Variants in SLC38A4 observed in about 807,000 individuals in gnomAD.
The protein encoded by SLC38A4 is solute carrier family 38 member 4.
A neutral mutation model predicts 63.1 loss-of-function variants in SLC38A4; 20 were observed. The observed-to-expected ratio is 0.32, with a 90% CI of 0.22 to 0.46. The LOEUF is 0.46. SLC38A4 is among the 20% of genes least tolerant of loss of function. SLC38A4 has a pLI of 1.00. For missense variants in SLC38A4, 526 were observed against 663.6 expected (o/e 0.79, Z 2.28); for synonymous variants, 230 against 225.5 (o/e 1.02, Z -0.18).
At chr12:46,809,151 G>T (rs1479484503) in intron 1 of SLC38A4, among the ~76,000 whole-genome samples, 1 of 151,984 alleles carries the variant, frequency 6.6e-6, no homozygotes, top group Non-Finnish European at 1.5e-5. Context: ...GGTAGTTTAA[G>T]CTGTGACCCA....
chr12:46,782,130 C>T (rs1938655778), intron 7 of SLC38A4, among the ~76,000 whole-genome samples: 1 of 151,942 alleles, frequency 6.6e-6, no homozygotes, highest in Non-Finnish European at 1.5e-5. Flanking sequence ...TACTTATCTG[C>T]TTACCAACTA....
At chr12:46,805,431 A>AT (rs896081356) in intron 1 of SLC38A4, among the ~76,000 whole-genome samples, 18 of 151,996 alleles carry the variant, frequency 1.2e-4, no homozygotes, top group Admixed American at 2.6e-4. Context: ...TCATTTGACT[A>AT]TTTTTTTCCC....
At chr12:46,811,823 C>T (rs187263926) in intron 1 of SLC38A4, among the ~76,000 whole-genome samples, 1 of 151,786 alleles carries the variant, frequency 6.6e-6, no homozygotes, top group Non-Finnish European at 1.5e-5. Flanking sequence ...AGGCTAAGAA[C>T]AGAAAAGCTT....
chr12:46,768,392 G>A lies in SLC38A4; in HGVS notation c.1460C>T (p.Thr487Ile). 1 of 1,610,266 alleles carries A rather than the reference G, an allele frequency of 6.2e-7. No individual in the cohort carries two copies. Among genetic ancestry groups the A allele is most frequent in the Non-Finnish European group, 8.5e-7 (1 of 1,177,860 alleles). The change falls in exon 16 of 17, where the codon ACT (threonine) becomes ATT (isoleucine). Residue 487 changes from threonine to isoleucine, a missense_variant. Thr to Ile is a moderately conservative substitution (Grantham distance 89). Coordinates refer to ENST00000266579, the MANE Select transcript of SLC38A4 (RefSeq NM_018018.5). ...TGCTGGAAGAATAAAAATCAGCATA[G>A]TGGCAGAAGAAGCCCCTGAGAAGAC... ...IFGFIGASSATMLIFILPAVF... is the reference protein window; with the variant it reads ...IFGFIGASSAIMLIFILPAVF...
rs552875873 is a variant in SLC38A4, at chr12:46,790,445, T to C, written c.120-1827A>G. 2.6e-5 allele frequency among the ~76,000 whole-genome samples: 4 copies of C among 152,278 alleles called. No homozygotes were observed. The South Asian group carries it at 8.3e-4, about 32-fold the overall frequency. ...GCCCACCACTCTTTTGTGGTTTACA[T>C]TAATGGTCTGTAATTAATGTACCTG... On this transcript the variant is annotated intron_variant, in intron 3 of 16. Coordinates refer to ENST00000266579, the MANE Select transcript of SLC38A4 (RefSeq NM_018018.5).
intron 1 of SLC38A4, among the ~76,000 whole-genome samples, chr12:46,809,989 A>C (rs113225075): frequency 0.012 from 1,852 of 152,166 alleles, 23 homozygotes; most frequent in South Asian, 0.07. Context: ...GTGCATTCAA[A>C]ATCTTTCTTT....
chr12:46,796,200 TC>T (rs1938999481), intron 2 of SLC38A4, among the ~76,000 whole-genome samples: 1 of 152,164 alleles, frequency 6.6e-6, no homozygotes, highest in Admixed American at 6.6e-5. Flanking sequence ...CAGCTATTTT[TC>T]TCAATCATGC....
intron 2 of SLC38A4, among the ~76,000 whole-genome samples, chr12:46,799,344 G>C (rs1244821382): frequency 6.6e-6 from 1 of 152,126 alleles, no homozygotes; most frequent in Admixed American, 6.6e-5. Flanking sequence ...GCTCACACCT[G>C]TAATCCCAGA....
At chr12:46,797,617 AT>A (rs1269931715) in intron 2 of SLC38A4, among the ~76,000 whole-genome samples, 1 of 152,106 alleles carries the variant, frequency 6.6e-6, no homozygotes, top group Non-Finnish European at 1.5e-5. Context: ...CCCATTATAA[AT>A]GTCATCTTAT....
At chr12:46,782,808 C>A (rs1938670708) in intron 7 of SLC38A4, among the ~76,000 whole-genome samples, 1 of 150,206 alleles carries the variant, frequency 6.7e-6, no homozygotes. Flanking sequence ...CAAAGGAGTA[C>A]AGTGATCTTC....
At chr12:46,816,132 C>T (rs1443781654) in intron 1 of SLC38A4, among the ~76,000 whole-genome samples, 3 of 151,696 alleles carry the variant, frequency 2.0e-5, no homozygotes, top group Admixed American at 1.3e-4. Context: ...TTTAAAGAAA[C>T]ATACAAAAAT....
chr12:46,786,294 A>C (rs1362996535), intron 5 of SLC38A4, among the ~76,000 whole-genome samples: 1 of 152,124 alleles, frequency 6.6e-6, no homozygotes, highest in Non-Finnish European at 1.5e-5. Context: ...AACCTTTAAA[A>C]TACTGTGTCA....
At chr12:46,781,901 C>A (rs577669781) in intron 7 of SLC38A4, among the ~76,000 whole-genome samples, 28 of 152,024 alleles carry the variant, frequency 1.8e-4, no homozygotes, top group African/African-American at 6.5e-4. Context: ...ATAAGGCAAT[C>A]CTATGAAATG....
upstream of SLC38A4, among the ~76,000 whole-genome samples, chr12:46,829,161 A>C (rs1939697635): frequency 6.6e-6 from 1 of 152,198 alleles, no homozygotes; most frequent in Admixed American, 6.5e-5. Context: ...TATAGAATAG[A>C]GTATCATGTG....
At chr12:46,773,399 T>G (rs1938458988) in intron 14 of SLC38A4, among the ~76,000 whole-genome samples, 1 of 152,084 alleles carries the variant, frequency 6.6e-6, no homozygotes, top group African/African-American at 2.4e-5. Context: ...AATGTAACAT[T>G]GCAAGGGTGA....
At chr12:46,773,180 C>CGTA (rs1938452592) in intron 14 of SLC38A4, among the ~76,000 whole-genome samples, 1 of 152,060 alleles carries the variant, frequency 6.6e-6, no homozygotes, top group Non-Finnish European at 1.5e-5. Flanking sequence ...CAGCTGAATT[C>CGTA]GTAGCACATG....
chr12:46,787,391 T>G (rs75360005), intron 5 of SLC38A4, among the ~76,000 whole-genome samples: 19,678 of 152,114 alleles, frequency 0.13, 1,996 homozygotes, highest in African/African-American at 0.28. Flanking sequence ...CGCGCAGTAT[T>G]CAGGTGAGAC....
At position 46,803,994 on chromosome 12, in the gene SLC38A4, G is replaced by A. The variant is rs79004710; in HGVS notation, c.-304-200C>T. Among the ~76,000 whole-genome samples the A allele has an allele frequency of 1.2e-4, 19 of 152,064 alleles. No individual in the cohort carries two copies. The South Asian group carries it at 1.7e-3, about 13-fold the overall frequency. On this transcript the variant is annotated intron_variant, in intron 1 of 16. Coordinates refer to ENST00000266579, the MANE Select transcript of SLC38A4 (RefSeq NM_018018.5). ...TGACTGATGAATCCAGAAATATTCC[G>A]TTTTCAAAAGACTTATGAATTGAAG...
In SLC38A4 at chr12:46,776,923, A is replaced by G. The variant is rs776123077; in HGVS notation, c.1155T>C (p.Phe385=). The change falls in exon 13 of 17, where the codon TTT becomes TTC. Residue 385 remains phenylalanine (F), a synonymous_variant. Coordinates refer to ENST00000266579, the MANE Select transcript of SLC38A4 (RefSeq NM_018018.5). ...ACCTACCATAGAAGGTTAGGTAACC[A>G]AAGAGGGCGGCAAGCAGGTACATGA... ...MLVMYLLAAL[F]GYLTFYGEVE... is the part of the protein sequence containing the mutation. The G allele has an allele frequency of 6.2e-7, 1 of 1,612,264 alleles. No homozygotes were observed. Among genetic ancestry groups the G allele is most frequent in the Non-Finnish European group, 8.5e-7 (1 of 1,178,740 alleles).
Sources: gnomAD v4.1 joint callset for allele counts (sites outside exome capture counted in the v4.1 genomes callset) on GRCh38, gnomAD v4.1.1 for gene constraint, MANE v1.5 for transcripts, NCBI Gene and HGNC (gene_info 2026-07-23, HGNC 2026-07-21) for gene names.